TRAF3: variants seen among roughly 807,000 people sequenced by gnomAD.
The protein encoded by TRAF3 is TNF receptor associated factor 3, also known as TNF receptor-associated factor 3.
Under a neutral mutation model 62.3 loss-of-function variants are expected in TRAF3, and 13 were observed. That is an observed-to-expected ratio of 0.21 (90% confidence interval 0.14 to 0.33). The LOEUF is 0.33. Among genes scored for constraint, TRAF3 ranks in the 10% least tolerant of loss-of-function variants. The pLI is 1.00. For missense variants in TRAF3, 440 were observed against 741.8 expected (o/e 0.59, Z 4.73); for synonymous variants, 269 against 283.4 (o/e 0.95, Z 0.51).
chr14:102,834,096 A>C (rs1270610244), intron 2 of TRAF3, among the ~76,000 whole-genome samples: 1 of 152,048 alleles, frequency 6.6e-6, no homozygotes, highest in African/African-American at 2.4e-5. Context: ...AACTAGAAAA[A>C]CACTGCTTTA....
chr14:102,901,196 G>T (rs1016620966), intron 10 of TRAF3, among the ~76,000 whole-genome samples: 1 of 152,134 alleles, frequency 6.6e-6, no homozygotes, highest in Non-Finnish European at 1.5e-5. Context: ...GAGACTCCCC[G>T]TTCTGTGCTT....
intron 1 of TRAF3, among the ~76,000 whole-genome samples, chr14:102,810,922 A>G (rs955077419): frequency 6.6e-6 from 1 of 152,238 alleles, no homozygotes; most frequent in Non-Finnish European, 1.5e-5. Context: ...CTCTGAGGGC[A>G]GAACCTTTAC....
At chr14:102,859,783 A>G (rs1887577672) in intron 2 of TRAF3, among the ~76,000 whole-genome samples, 1 of 152,244 alleles carries the variant, frequency 6.6e-6, no homozygotes, top group Non-Finnish European at 1.5e-5. Flanking sequence ...AAGAAAATGT[A>G]GTAGTTGTAA....
At chr14:102,830,933 C>T (rs1294759519) in intron 2 of TRAF3, among the ~76,000 whole-genome samples, 1 of 152,216 alleles carries the variant, frequency 6.6e-6, no homozygotes, top group Non-Finnish European at 1.5e-5. Context: ...CAACTTATTA[C>T]AAGTAATAAG....
chr14:102,782,976 A>G (rs1897328148), intron 1 of TRAF3, among the ~76,000 whole-genome samples: 1 of 152,226 alleles, frequency 6.6e-6, no homozygotes. Context: ...GAGTCATGAG[A>G]ATTGTAATGA....
intron 1 of TRAF3, among the ~76,000 whole-genome samples, chr14:102,822,752 T>G (rs1385817257): frequency 1.3e-5 from 2 of 152,218 alleles, no homozygotes; most frequent in Non-Finnish European, 2.9e-5. Context: ...ATGCCTGTAA[T>G]CCCAGCACTT....
chr14:102,877,982 GAT>G (rs900102818), intron 6 of TRAF3, among the ~76,000 whole-genome samples: 4 of 152,216 alleles, frequency 2.6e-5, no homozygotes, highest in African/African-American at 4.8e-5. Context: ...AAAGAGAAAA[GAT>G]AGGAATAAAT....
intron 2 of TRAF3, among the ~76,000 whole-genome samples, chr14:102,846,672 C>T (rs112656256): frequency 0.014 from 1,876 of 136,504 alleles, 47 homozygotes; most frequent in African/African-American, 0.053. Flanking sequence ...AAAAATTTTC[C>T]GGACACGGTG....
intron 7 of TRAF3, 148 bp downstream of exon 7, chr14:102,886,417 C>T: frequency 1.4e-6 from 1 of 723,644 alleles, no homozygotes; most frequent in Non-Finnish European, 2.3e-6. Context: ...AGCAAAAAGC[C>T]TTATGCCATT....
chr14:102,891,238 G>T lies in TRAF3; in HGVS notation c.727-87G>T. 8.0e-7 allele frequency: 1 copy of T among 1,248,710 alleles called. No homozygotes were observed. Among genetic ancestry groups the T allele is most frequent in the Non-Finnish European group, 1.1e-6 (1 of 882,762 alleles). The allele number at this position is 1,248,710 out of a possible 1,614,324, so 77.4% of individuals were successfully genotyped here. On this transcript the variant is annotated intron_variant, in intron 8 of 11. Transcript: ENST00000392745. ...AATAGGTCTCCCCTCTTTGTGTTTA[G>T]TGCTGCTTTTAGGGTCGTATGTTAG...
rs778412355 is a variant in TRAF3 at position 102,905,826 on chromosome 14, T to G, written c.*42T>G. ...TGGATTTAGCAGAAGGCAACTCCTCTGGGGGATTTGAACCGGTCTGTCTTC... is the reference window on the plus strand; with the variant it reads ...TGGATTTAGCAGAAGGCAACTCCTCGGGGGGATTTGAACCGGTCTGTCTTC... On this transcript the variant is annotated 3_prime_UTR_variant, in exon 12 of 12. Transcript: ENST00000392745. The G allele has an allele frequency of 6.4e-7, 1 of 1,558,914 alleles. No homozygotes were observed. Among genetic ancestry groups the G allele is most frequent in the Non-Finnish European group, 8.8e-7 (1 of 1,133,586 alleles).
At chr14:102,850,938 GATAGGCAGTGGGCTATTAA>G (rs1440932964) in intron 2 of TRAF3, among the ~76,000 whole-genome samples, 1 of 152,124 alleles carries the variant, frequency 6.6e-6, no homozygotes. Context: ...GCTCAGTGAG[GATAGGCAGTGGGCTATTAA>G]ATAGGCAGTG....
chr14:102,872,390 G>T (rs750985430), intron 4 of TRAF3, among the ~76,000 whole-genome samples: 3 of 152,158 alleles, frequency 2.0e-5, no homozygotes, highest in East Asian at 1.9e-4. Flanking sequence ...CTTCAGACTC[G>T]CTAGGCTGAG....
At chr14:102,801,791 G>A (rs990003534) in intron 1 of TRAF3, among the ~76,000 whole-genome samples, 1 of 151,812 alleles carries the variant, frequency 6.6e-6, no homozygotes, top group Non-Finnish European at 1.5e-5. Flanking sequence ...GGCCGAGGCG[G>A]GCAGATCACA....
intron 10 of TRAF3, among the ~76,000 whole-genome samples, chr14:102,901,125 G>C (rs912007100): frequency 1.3e-5 from 2 of 152,180 alleles, no homozygotes; most frequent in African/African-American, 4.8e-5. Flanking sequence ...TGTGCATGCG[G>C]TGCACGCATG....
intron 11 of TRAF3, among the ~76,000 whole-genome samples, chr14:102,904,661 T>G (rs951388768): frequency 6.6e-6 from 1 of 151,450 alleles, no homozygotes; most frequent in Non-Finnish European, 1.5e-5. Context: ...ATACAAAAAG[T>G]TAGCCGGGCA....
intron 1 of TRAF3, among the ~76,000 whole-genome samples, chr14:102,816,049 T>TA (rs764789407): frequency 1.9e-4 from 29 of 152,020 alleles, no homozygotes; most frequent in South Asian, 2.1e-4. Context: ...GTATTTTCCA[T>TA]AAAAAAACAC....
At chr14:102,836,770 T>TA (rs1474054549) in intron 2 of TRAF3, among the ~76,000 whole-genome samples, 1 of 152,260 alleles carries the variant, frequency 6.6e-6, no homozygotes, top group East Asian at 1.9e-4. Flanking sequence ...ACATGACTCT[T>TA]ATCTAGCTAT....
chr14:102,853,345 A>AT (rs910197311), intron 2 of TRAF3, among the ~76,000 whole-genome samples: 2 of 151,830 alleles, frequency 1.3e-5, no homozygotes, highest in African/African-American at 4.8e-5. Flanking sequence ...CCTGCTAGCC[A>AT]TTTTTTTATG....
Sources: allele counts gnomAD v4.1 joint callset (sites outside exome capture counted in the v4.1 genomes callset), GRCh38; gene constraint gnomAD v4.1.1; transcripts MANE v1.5; gene names NCBI Gene and HGNC (gene_info 2026-07-23, HGNC 2026-07-21).